Variants in CAMTA1 observed in about 807,000 individuals in gnomAD.
CAMTA1 encodes calmodulin binding transcription activator 1, also known as calmodulin-binding transcription activator 1.
Under a neutral mutation model 170.9 loss-of-function variants are expected in CAMTA1, and 27 were observed. That is an observed-to-expected ratio of 0.16 (90% confidence interval 0.12 to 0.22). CAMTA1 has a LOEUF of 0.22. CAMTA1 is among the 10% of genes least tolerant of loss of function. The pLI is 1.00. For missense variants in CAMTA1, 1,619 were observed against 2,217.2 expected (o/e 0.73, Z 5.42); for synonymous variants, 833 against 891.5 (o/e 0.93, Z 1.17).
intron 11 of CAMTA1, among the ~76,000 whole-genome samples, chr1:7,721,835 A>T (rs1368146965): frequency 6.6e-6 from 1 of 151,894 alleles, no homozygotes; most frequent in Admixed American, 6.6e-5. Flanking sequence ...GCTGGTCTTG[A>T]ACTCCCGACC....
chr1:7,413,114 T>C (rs2090911498), intron 5 of CAMTA1, among the ~76,000 whole-genome samples: 1 of 151,640 alleles, frequency 6.6e-6, no homozygotes, highest in Non-Finnish European at 1.5e-5. Context: ...CATTGATCTA[T>C]ATCTCTGTTT....
intron 3 of CAMTA1, among the ~76,000 whole-genome samples, chr1:6,828,519 T>A (rs1228763681): frequency 2.0e-5 from 3 of 152,038 alleles, no homozygotes; most frequent in Non-Finnish European, 4.4e-5. Context: ...CTCCATCTCT[T>A]GACCTTGTGA....
At chr1:7,539,696 C>A (rs1172460050) in intron 6 of CAMTA1, among the ~76,000 whole-genome samples, 4 of 152,198 alleles carry the variant, frequency 2.6e-5, no homozygotes, top group Non-Finnish European at 5.9e-5. Context: ...ATCACACATG[C>A]ATGGTGGAGT....
chr1:7,028,512 C>A (rs1236231384), intron 3 of CAMTA1, among the ~76,000 whole-genome samples: 2 of 152,174 alleles, frequency 1.3e-5, no homozygotes, highest in African/African-American at 2.4e-5. Flanking sequence ...GATTTGATTT[C>A]CTGCATGTTC....
At chr1:7,639,010 G>A (rs181691771) in intron 6 of CAMTA1, among the ~76,000 whole-genome samples, 33 of 152,216 alleles carry the variant, frequency 2.2e-4, no homozygotes, top group Admixed American at 6.5e-4. Flanking sequence ...ACAGAGTCTC[G>A]CTCTGTTGCC....
intron 8 of CAMTA1, among the ~76,000 whole-genome samples, chr1:7,662,640 G>A (rs1222179861): frequency 2.0e-5 from 3 of 152,314 alleles, no homozygotes; most frequent in African/African-American, 4.8e-5. Flanking sequence ...GCTCAGAAAC[G>A]TTCGGCTCCT....
intron 3 of CAMTA1, among the ~76,000 whole-genome samples, chr1:7,001,988 C>G (rs370866265): frequency 6.6e-6 from 1 of 151,528 alleles, no homozygotes; most frequent in Admixed American, 6.6e-5. Context: ...CCTCCGCCTC[C>G]CAGGTTCAAG....
intron 3 of CAMTA1, among the ~76,000 whole-genome samples, chr1:6,839,562 C>T (rs1035122686): frequency 2.6e-5 from 4 of 151,988 alleles, no homozygotes; most frequent in African/African-American, 9.7e-5. Context: ...GAAAACAATA[C>T]AAAAGTAAAC....
chr1:7,532,047 G>T lies in CAMTA1; in HGVS notation c.510+64146G>T, dbSNP rs1249601460. Among the ~76,000 whole-genome samples the T allele has an allele frequency of 6.6e-6, 1 of 152,218 alleles. No homozygotes were observed. The highest frequency in any genetic ancestry group is 1.9e-4 in the East Asian group (1 of 5,198). ...ATACCATGAAGGAAATGAAAGCAGT[G>T]GAAGAAAGGCAGAGAGGAAGGGGCA... On this transcript the variant is annotated intron_variant, in intron 6 of 22. Coordinates refer to ENST00000303635, the MANE Select transcript of CAMTA1 (RefSeq NM_015215.4). The surrounding 1 kb of genome is among the most constrained non-coding windows in gnomAD (Gnocchi z 4.2).
chr1:7,141,788 C>T (rs1219372785), intron 4 of CAMTA1, among the ~76,000 whole-genome samples: 2 of 152,154 alleles, frequency 1.3e-5, no homozygotes, highest in Non-Finnish European at 2.9e-5. Context: ...CTGGAACCTG[C>T]CAGCTGGCAG....
At chr1:7,395,891 TA>T (rs1382205660) in intron 5 of CAMTA1, among the ~76,000 whole-genome samples, 1 of 152,152 alleles carries the variant, frequency 6.6e-6, no homozygotes, top group Admixed American at 6.5e-5. Context: ...TATTGGCATA[TA>T]AAAAAACCTC....
At chr1:7,385,563 A>G (rs2149093020) in intron 5 of CAMTA1, among the ~76,000 whole-genome samples, 1 of 152,268 alleles carries the variant, frequency 6.6e-6, no homozygotes, top group South Asian at 2.1e-4. Context: ...GGGCCCTTAG[A>G]GGCCACTCCT....
intron 6 of CAMTA1, among the ~76,000 whole-genome samples, chr1:7,559,624 A>G (rs1227806650): frequency 6.6e-6 from 1 of 152,156 alleles, no homozygotes; most frequent in Non-Finnish European, 1.5e-5. Context: ...AGGGGTCTGC[A>G]CTGGAGGATT....
chr1:7,138,351 C>T (rs115995058), intron 4 of CAMTA1, among the ~76,000 whole-genome samples: 2,387 of 152,300 alleles, frequency 0.016, 63 homozygotes, highest in African/African-American at 0.054. Flanking sequence ...TAGAAATACC[C>T]TGCCACAGTG....
rs181112075 is a variant in CAMTA1, at chr1:7,049,204, G to A, written c.235-42100G>A. Among the ~76,000 whole-genome samples, 99 of 152,226 alleles carry A rather than the reference G, an allele frequency of 6.5e-4. 3 individuals are homozygous for A. Among genetic ancestry groups the A allele is most frequent in the Admixed American group, 6.2e-3 (95 of 15,298 alleles). ...GGGTCTCAGCCTAAGCTGAAGATCC[G>A]GCGGGGACCAATATGGACAAAGCAT... On this transcript the variant is annotated intron_variant, in intron 3 of 22. Transcript: ENST00000303635.
At chr1:6,969,111 T>C (rs1040493172) in intron 3 of CAMTA1, among the ~76,000 whole-genome samples, 11 of 152,086 alleles carry the variant, frequency 7.2e-5, no homozygotes, top group African/African-American at 1.2e-4. Context: ...CTGAGATACA[T>C]AGGGGTCCTT....
intron 6 of CAMTA1, among the ~76,000 whole-genome samples, chr1:7,577,307 C>T (rs975494752): frequency 6.6e-6 from 1 of 151,872 alleles, no homozygotes; most frequent in African/African-American, 2.4e-5. Context: ...AAGGGCCCCC[C>T]CTTGTGCTTA....
At chr1:7,150,948 T>C (rs1472043187) in intron 4 of CAMTA1, among the ~76,000 whole-genome samples, 1 of 152,220 alleles carries the variant, frequency 6.6e-6, no homozygotes, top group African/African-American at 2.4e-5. Context: ...ATTGATTGAC[T>C]CATCAAATGA....
At chr1:6,980,324 G>C (rs1694223433) in intron 3 of CAMTA1, among the ~76,000 whole-genome samples, 1 of 152,190 alleles carries the variant, frequency 6.6e-6, no homozygotes, top group Non-Finnish European at 1.5e-5. Flanking sequence ...TCTCTGGCCA[G>C]CCAAGGATGG....
Sources: gnomAD v4.1 joint callset for allele counts (sites outside exome capture counted in the v4.1 genomes callset) on GRCh38, gnomAD v4.1.1 for gene constraint, Gnocchi (gnomAD v3.1) non-coding constraint, MANE v1.5 for transcripts, NCBI Gene and HGNC (gene_info 2026-07-23, HGNC 2026-07-21) for gene names.